The following LARP1B variants were observed in gnomAD, a reference collection of about 807,000 sequenced individuals.
LARP1B encodes the protein La ribonucleoprotein 1B, also known as la-related protein 1B.
LARP1B carries 76 observed loss-of-function variants against 114.2 expected under a neutral mutation model. That is an observed-to-expected ratio of 0.67 (90% confidence interval 0.55 to 0.81). LARP1B has a LOEUF of 0.81. Ranked by LOEUF, LARP1B falls within the 30% of genes least tolerant of loss-of-function variation. The probability of loss-of-function intolerance (pLI) is 0.00; values close to 1 mark genes in which losing one functional copy is unlikely to be tolerated. For synonymous variants in LARP1B, 345 were observed against 348.0 expected, an observed-to-expected ratio of 0.99 and a Z score of 0.10; for missense variants, 1,014 against 1,075.8, an observed-to-expected ratio of 0.94 and a Z score of 0.80.
chr4:128,128,127 T>C (rs1316099680), intron 11 of LARP1B, among the ~76,000 whole-genome samples: 2 of 152,168 alleles, frequency 1.3e-5, no homozygotes, highest in African/African-American at 2.4e-5. Context: ...TGTATCAAAA[T>C]TAACTTGAGT....
At chr4:128,185,854 C>T (rs932698453) in intron 15 of LARP1B, among the ~76,000 whole-genome samples, 1 of 152,044 alleles carries the variant, frequency 6.6e-6, no homozygotes, top group Non-Finnish European at 1.5e-5. Context: ...TTTTGATTGG[C>T]TTTTTGTAGA....
At chr4:128,066,336 C>T (rs956930700) in intron 1 of LARP1B, among the ~76,000 whole-genome samples, 23 of 151,494 alleles carry the variant, frequency 1.5e-4, no homozygotes, top group Non-Finnish European at 1.6e-4. Context: ...GCCACCATGC[C>T]CGGCTGATTT....
intron 15 of LARP1B, among the ~76,000 whole-genome samples, chr4:128,194,448 C>T (rs927162922): frequency 6.7e-6 from 1 of 149,594 alleles, no homozygotes; most frequent in Non-Finnish European, 1.5e-5. Context: ...TTTGGGAGGC[C>T]GAGGCGGGCG....
rs1040101735 is a variant in LARP1B at position 128,211,285 on chromosome 4, A to G, written c.*1232A>G. 6 of 963,914 alleles carry G rather than the reference A, an allele frequency of 6.2e-6. No individual in the cohort carries two copies. In the South Asian group the frequency reaches 1.4e-4, roughly 23 times the overall value. 59.7% of individuals were successfully genotyped at this position (963,914 alleles called of 1,614,324 possible). A position where few individuals can be genotyped will look rare whatever the true frequency, so the allele number is the denominator to read the frequency against. On this transcript the variant is annotated 3_prime_UTR_variant, in exon 20 of 20. Coordinates refer to ENST00000326639, the MANE Select transcript of LARP1B (RefSeq NM_018078.4). ...TTATTGAGCACTACATAATTTACAG[A>G]TATTTTGTTGTATTGGCAAAAGCAA...
chr4:128,163,715 A>G (rs1434337341), intron 12 of LARP1B, among the ~76,000 whole-genome samples: 1 of 152,124 alleles, frequency 6.6e-6, no homozygotes, highest in Non-Finnish European at 1.5e-5. Context: ...TTGTTTTTAA[A>G]TGATCATTGT....
At chr4:128,220,179 C>T (rs1759902260) in intron 6 of LARP1B, among the ~76,000 whole-genome samples, 3 of 152,210 alleles carry the variant, frequency 2.0e-5, no homozygotes, top group African/African-American at 7.2e-5. Context: ...GCCACTGCTC[C>T]TGGCTAGATT....
intron 11 of LARP1B, among the ~76,000 whole-genome samples, chr4:128,140,222 C>T (rs1223269937): frequency 2.0e-5 from 3 of 152,030 alleles, no homozygotes; most frequent in African/African-American, 7.3e-5. Flanking sequence ...GATGTGTTCA[C>T]CAGGAGCAGT....
chr4:128,098,816 TG>T (rs1438440165), intron 8 of LARP1B, among the ~76,000 whole-genome samples: 2 of 134,440 alleles, frequency 1.5e-5, no homozygotes, highest in African/African-American at 5.5e-5. Context: ...CTCACTCTGT[TG>T]CCCAGGCTGG....
chr4:128,112,630 C>T (rs1339744723), intron 9 of LARP1B, among the ~76,000 whole-genome samples: 13 of 151,780 alleles, frequency 8.6e-5, no homozygotes, highest in African/African-American at 2.9e-4. Flanking sequence ...CCCACCACCA[C>T]GCCCGGCTAG....
intron 7 of LARP1B, among the ~76,000 whole-genome samples, chr4:128,092,342 C>T (rs1016758874): frequency 6.6e-6 from 1 of 152,024 alleles, no homozygotes; most frequent in African/African-American, 2.4e-5. Context: ...TATTTTAGTT[C>T]AGATTTCTTA....
chr4:128,147,774 GAAAA>G (rs1222068029), intron 11 of LARP1B, among the ~76,000 whole-genome samples: 1 of 151,940 alleles, frequency 6.6e-6, no homozygotes, highest in African/African-American at 2.4e-5. Flanking sequence ...GTAAAAAAAA[GAAAA>G]AAGAGTTATG....
intron 11 of LARP1B, chr4:128,122,636 C>T: frequency 6.9e-7 from 1 of 1,451,566 alleles, no homozygotes; most frequent in Middle Eastern, 1.8e-4. Context: ...TTTCTGTTTT[C>T]CCCACTTAGT....
At chr4:128,081,756 C>A (rs1156689683) in intron 4 of LARP1B, among the ~76,000 whole-genome samples, 1 of 152,180 alleles carries the variant, frequency 6.6e-6, no homozygotes. Context: ...AAGATTCTAT[C>A]TTGGACAACC....
chr4:128,067,721 T>TTC (rs1394744766), intron 1 of LARP1B, among the ~76,000 whole-genome samples: 1 of 152,030 alleles, frequency 6.6e-6, no homozygotes, highest in Non-Finnish European at 1.5e-5. Context: ...TTTTTTTTTT[T>TTC]TTCTTTTTTT....
chr4:128,088,641 C>T (rs982112086), intron 5 of LARP1B, among the ~76,000 whole-genome samples: 1 of 152,158 alleles, frequency 6.6e-6, no homozygotes, highest in African/African-American at 2.4e-5. Flanking sequence ...GCAGACTACA[C>T]TCTGTGAGTG....
intron 9 of LARP1B, among the ~76,000 whole-genome samples, chr4:128,110,440 G>A (rs1020003970): frequency 3.3e-5 from 5 of 150,764 alleles, no homozygotes; most frequent in African/African-American, 1.2e-4. Context: ...TTGGGAGGCC[G>A]AGGCGGGCGG....
chr4:128,212,146 C>G (rs1413425867), downstream of LARP1B, among the ~76,000 whole-genome samples: 3 of 151,858 alleles, frequency 2.0e-5, no homozygotes, highest in South Asian at 4.2e-4. Flanking sequence ...CTCCTGGTCT[C>G]AAGTGATCCA....
At chr4:128,221,071 A>G (rs1321322563) in intron 7 of LARP1B, among the ~76,000 whole-genome samples, 1 of 152,136 alleles carries the variant, frequency 6.6e-6, no homozygotes, top group African/African-American at 2.4e-5. Context: ...TGTGGTTAAG[A>G]CTGCATTTTT....
At chr4:128,124,497 A>G (rs1046421195) in intron 11 of LARP1B, among the ~76,000 whole-genome samples, 2 of 152,200 alleles carry the variant, frequency 1.3e-5, no homozygotes, top group African/African-American at 4.8e-5. Context: ...ATAAAATGTT[A>G]ATTATAGATG....
Sources: allele counts gnomAD v4.1 joint callset (sites outside exome capture counted in the v4.1 genomes callset), GRCh38; gene constraint gnomAD v4.1.1; transcripts MANE v1.5; gene names NCBI Gene and HGNC (gene_info 2026-07-23, HGNC 2026-07-21).